The following HPCAL1 variants were observed in gnomAD, a reference collection of about 807,000 sequenced individuals.
HPCAL1 encodes hippocalcin like 1, also known as hippocalcin-like protein 1.
Under a neutral mutation model 17.1 loss-of-function variants are expected in HPCAL1, and 8 were observed. That is an observed-to-expected ratio of 0.47 (90% CI 0.27 to 0.84). The LOEUF (loss-of-function observed/expected upper bound fraction) is 0.84. Ranked by LOEUF, HPCAL1 falls within the 40% of genes least tolerant of loss-of-function variation. The pLI is 0.13. For synonymous variants in HPCAL1, 112 were observed against 111.4 expected (o/e 1.01, Z -0.03); for missense variants, 165 against 271.1 (o/e 0.61, Z 2.75).
chr2:10,353,933 C>T (rs1466310753), intron 1 of HPCAL1, among the ~76,000 whole-genome samples: 1 of 152,220 alleles, frequency 6.6e-6, no homozygotes, highest in Non-Finnish European at 1.5e-5. Context: ...CCTCATGCAG[C>T]AGGCAGAGAT....
intron 1 of HPCAL1, among the ~76,000 whole-genome samples, chr2:10,379,358 G>A (rs1349489773): frequency 6.6e-6 from 1 of 151,666 alleles, no homozygotes; most frequent in Non-Finnish European, 1.5e-5. Flanking sequence ...GAGGGAAAGT[G>A]TTTGTGACAC....
At chr2:10,418,446 C>CAAAAA (rs58884767) in intron 2 of HPCAL1, among the ~76,000 whole-genome samples, 26 of 60,158 alleles carry the variant, frequency 4.3e-4, no homozygotes, top group African/African-American at 7.0e-4. Flanking sequence ...GACTCCATCT[C>CAAAAA]AAAAAAAAAA....
At chr2:10,424,650 T>C (rs1671289422) in intron 4 of HPCAL1, 2 of 470,516 alleles carry the variant, frequency 4.3e-6, no homozygotes, top group Admixed American at 4.7e-5. Context: ...TCGTTGCTAA[T>C]GTGCCTGCTG....
chr2:10,332,063 G>T (rs963956993), intron 1 of HPCAL1, among the ~76,000 whole-genome samples: 2 of 151,914 alleles, frequency 1.3e-5, no homozygotes, highest in African/African-American at 4.8e-5. Flanking sequence ...TATGAGCCCT[G>T]TGTCACTTGT....
intron 2 of HPCAL1, among the ~76,000 whole-genome samples, chr2:10,399,188 G>C (rs369987597): frequency 1.8e-5 from 2 of 109,786 alleles, no homozygotes; most frequent in East Asian, 2.5e-4. Flanking sequence ...TTCAGTGCAC[G>C]CACAGCAAAT....
intron 1 of HPCAL1, among the ~76,000 whole-genome samples, chr2:10,318,799 C>G (rs1414487719): frequency 6.6e-6 from 1 of 152,146 alleles, no homozygotes; most frequent in Non-Finnish European, 1.5e-5. Context: ...GGGTAGTGAA[C>G]AGGCCATCCT....
intron 1 of HPCAL1, among the ~76,000 whole-genome samples, chr2:10,347,432 C>T: frequency 6.6e-6 from 1 of 152,198 alleles, no homozygotes; most frequent in Admixed American, 6.5e-5. Flanking sequence ...GTCACTTCGC[C>T]TAAGTTCCAG....
At chr2:10,410,299 A>T (rs564420910) in intron 2 of HPCAL1, among the ~76,000 whole-genome samples, 1 of 152,280 alleles carries the variant, frequency 6.6e-6, no homozygotes, top group East Asian at 1.9e-4. Context: ...CAGGAGCCTC[A>T]CTGAGCAGCT....
rs115699704 is a variant in HPCAL1, at chr2:10,377,197, C to T, written c.-110-19638C>T. 1.0e-3 allele frequency among the ~76,000 whole-genome samples: 153 copies of T among 152,258 alleles called. No homozygotes were observed. Among genetic ancestry groups the T allele is most frequent in the Middle Eastern group, 3.4e-3 (1 of 292 alleles). On this transcript the variant is annotated intron_variant, in intron 1 of 4. Transcript: ENST00000307845. This position sits in a 1 kb window ranked among gnomAD's most constrained non-coding sequence, Gnocchi z 5.9. ...AGTGAGGCTGCATCCTTCTAGAAAGCGCTGTTGAGAGGTGTGAGGAGGCTG... is the reference window on the plus strand; with the variant it reads ...AGTGAGGCTGCATCCTTCTAGAAAGTGCTGTTGAGAGGTGTGAGGAGGCTG...
At position 10,343,403 on chromosome 2, in the gene HPCAL1, C is replaced by T. The variant is rs1295319030; in HGVS notation, c.-111+40226C>T. 1.3e-5 allele frequency among the ~76,000 whole-genome samples: 2 copies of T among 152,258 alleles called. No homozygotes were observed. Among genetic ancestry groups the T allele is most frequent in the African/African-American group, 4.8e-5 (2 of 41,476 alleles). ...ATGTGAAGGACTGATAGCACCATATCTCCCTCCAGGACTCCCGGGTGGGAG... is the reference window on the plus strand; with the variant it reads ...ATGTGAAGGACTGATAGCACCATATTTCCCTCCAGGACTCCCGGGTGGGAG... On this transcript the variant is annotated intron_variant, in intron 1 of 4. Coordinates refer to ENST00000307845, the MANE Select transcript of HPCAL1 (RefSeq NM_002149.4). The surrounding 1 kb of genome is among the most constrained non-coding windows in gnomAD (Gnocchi z 4.8).
chr2:10,399,394 CCAT>C (rs1669363446), intron 2 of HPCAL1, among the ~76,000 whole-genome samples: 5 of 54,482 alleles, frequency 9.2e-5, no homozygotes, highest in Non-Finnish European at 2.0e-4. Flanking sequence ...ACCACCACCA[CCAT>C]CACCACCACC....
chr2:10,327,094 A>G (rs2125412174), intron 1 of HPCAL1, among the ~76,000 whole-genome samples: 1 of 152,198 alleles, frequency 6.6e-6, no homozygotes, highest in East Asian at 1.9e-4. Flanking sequence ...GGGGAGTACA[A>G]GTGCCTCTTC....
intron 2 of HPCAL1, among the ~76,000 whole-genome samples, chr2:10,397,891 C>T (rs1669160949): frequency 1.3e-5 from 2 of 152,228 alleles, no homozygotes; most frequent in South Asian, 2.1e-4. Flanking sequence ...CTGGCTGTGC[C>T]TCTTCACAGC....
chr2:10,401,634 C>T (rs1669621407), intron 2 of HPCAL1, among the ~76,000 whole-genome samples: 1 of 152,218 alleles, frequency 6.6e-6, no homozygotes, highest in Non-Finnish European at 1.5e-5. Flanking sequence ...CCTTGACTTC[C>T]TTCCTGCCTC....
chr2:10,410,254 G>T (rs1029441057), intron 2 of HPCAL1, among the ~76,000 whole-genome samples: 18 of 152,284 alleles, frequency 1.2e-4, no homozygotes, highest in African/African-American at 3.9e-4. Flanking sequence ...CCGGCACTGA[G>T]GTGGGATTAA....
chr2:10,388,212 C>T (rs1202217095), intron 1 of HPCAL1, among the ~76,000 whole-genome samples: 1 of 152,182 alleles, frequency 6.6e-6, no homozygotes, highest in Non-Finnish European at 1.5e-5. Context: ...TGTTCCCTGC[C>T]TCCCCGGGGC....
intron 1 of HPCAL1, among the ~76,000 whole-genome samples, chr2:10,369,602 G>A (rs1667083016): frequency 1.3e-5 from 2 of 152,212 alleles, no homozygotes; most frequent in Admixed American, 6.5e-5. Context: ...AGCAGCAAGG[G>A]CTCCAGGCAG....
At chr2:10,305,748 C>T (rs988837009) in intron 1 of HPCAL1, among the ~76,000 whole-genome samples, 8 of 152,310 alleles carry the variant, frequency 5.3e-5, no homozygotes, top group Admixed American at 2.6e-4. Context: ...AATACAAGAA[C>T]GTGGACACAC....
chr2:10,312,980 T>C (rs957230930), intron 1 of HPCAL1, among the ~76,000 whole-genome samples: 1 of 152,202 alleles, frequency 6.6e-6, no homozygotes, highest in Non-Finnish European at 1.5e-5. Flanking sequence ...CTTTGGGTCG[T>C]GCTTGACATG....
Sources: gnomAD v4.1 joint callset for allele counts (sites outside exome capture counted in the v4.1 genomes callset) on GRCh38, gnomAD v4.1.1 for gene constraint, Gnocchi (gnomAD v3.1) non-coding constraint, MANE v1.5 for transcripts, NCBI Gene and HGNC (gene_info 2026-07-23, HGNC 2026-07-21) for gene names.